The following GIT2 variants were observed in gnomAD, a reference collection of about 807,000 sequenced individuals.
GIT2 encodes ARF GTPase-activating protein GIT2.
A neutral mutation model predicts 100.3 loss-of-function variants in GIT2; 32 were observed. The ratio of observed to expected loss-of-function variants is 0.32; its 90% CI spans 0.24 to 0.43. The LOEUF is 0.43. Among genes scored for constraint, GIT2 ranks in the 20% least tolerant of loss-of-function variants. GIT2 has a pLI of 1.00. For missense variants in GIT2, 737 were observed against 975.1 expected (o/e 0.76, Z 3.25); for synonymous variants, 353 against 364.1 (o/e 0.97, Z 0.35).
At position 109,951,300 on chromosome 12, in the gene GIT2, A is replaced by G; in HGVS notation, c.1259T>C (p.Leu420Ser). 6.2e-7 allele frequency: 1 copy of G among 1,612,072 alleles called. No individual in the cohort carries two copies. The highest frequency in any genetic ancestry group is 8.5e-7 in the Non-Finnish European group (1 of 1,178,196). ...CTGTACAGTGACTGGTCCATCTGAT[A>G]AATCTGAATCTAGGCTCTAAAAATA... ...TNRQKSLDSD[L>S]SDGPVTVQEF... is the part of the protein sequence containing the mutation. Residue 420 changes from leucine (L) to serine (S), a missense_variant, in exon 14 of 20, where the codon TTA becomes TCA. Leu to Ser is a moderately radical substitution (Grantham distance 145). This residue lies in a region of GIT2 where 451 missense variants were observed against 543.7 expected (regional missense o/e 0.83). Coordinates refer to ENST00000355312, the MANE Select transcript of GIT2 (RefSeq NM_057169.5).
At position 109,983,697 on chromosome 12, in the gene GIT2, GA is replaced by G; in HGVS notation, c.406-4del. On this transcript the variant is annotated splice_polypyrimidine_tract_variant and splice_region_variant and intron_variant, in intron 4 of 19. Transcript: ENST00000355312. ...GTTCTCACGCTCGAATGGAGTTGCT[GA>G]AAAACGCAGAAACAAAAAAGGAATC... is the stretch of plus-strand genomic sequence containing the variant. The G allele has an allele frequency of 6.3e-7, 1 of 1,599,458 alleles. No individual in the cohort carries two copies. The highest frequency in any genetic ancestry group is 8.6e-7 in the Non-Finnish European group (1 of 1,167,650).
upstream of GIT2, chr12:109,997,614 G>A (rs1055325090): frequency 6.6e-6 from 1 of 152,302 alleles, no homozygotes; most frequent in Non-Finnish European, 1.5e-5. Flanking sequence ...AAGAATATGC[G>A]ACAAAACTTG....
At chr12:109,966,496 A>G (rs1287191235) in intron 8 of GIT2, among the ~76,000 whole-genome samples, 22 of 141,440 alleles carry the variant, frequency 1.6e-4, no homozygotes. Context: ...GCGACAGAGC[A>G]AGACTCTGTC....
chr12:109,988,294 T>G (rs1451520262), intron 4 of GIT2, among the ~76,000 whole-genome samples: 1 of 152,224 alleles, frequency 6.6e-6, no homozygotes, highest in Non-Finnish European at 1.5e-5. Flanking sequence ...AGCTATTAAT[T>G]AATGAATGTG....
intron 4 of GIT2, among the ~76,000 whole-genome samples, chr12:109,986,990 T>A (rs1308887316): frequency 1.3e-5 from 2 of 151,670 alleles, no homozygotes; most frequent in African/African-American, 2.4e-5. Context: ...AAAATAAAAA[T>A]AAAAAAATTA....
chr12:109,975,122 T>C (rs940319784), intron 7 of GIT2, among the ~76,000 whole-genome samples: 2 of 152,260 alleles, frequency 1.3e-5, no homozygotes, highest in Admixed American at 1.3e-4. Context: ...TATATCTTTT[T>C]ATACTTTTGG....
At chr12:109,999,498 T>C (rs1438378325), upstream of GIT2, 3 of 299,974 alleles carry the variant, frequency 1.0e-5, no homozygotes, top group Non-Finnish European at 1.8e-5. This position sits in a 1 kb window ranked among gnomAD's most constrained non-coding sequence, Gnocchi z 4.3. Context: ...GCGGCCGACC[T>C]GGTCCCTGAG....
At chr12:109,987,379 A>C (rs1247191202) in intron 4 of GIT2, among the ~76,000 whole-genome samples, 5 of 151,916 alleles carry the variant, frequency 3.3e-5, no homozygotes, top group African/African-American at 1.2e-4. Context: ...GCAAGACTCT[A>C]TCTCAAAAAT....
chr12:109,999,659 C>A, upstream of GIT2: 1 of 1,496,886 alleles, frequency 6.7e-7, no homozygotes. This position sits in a 1 kb window ranked among gnomAD's most constrained non-coding sequence, Gnocchi z 4.3. Context: ...TTGGGGCGGG[C>A]GACGAGGACC....
chr12:109,952,340 C>T (rs1381003957), intron 13 of GIT2, among the ~76,000 whole-genome samples: 2 of 152,086 alleles, frequency 1.3e-5, no homozygotes, highest in Non-Finnish European at 1.5e-5. Flanking sequence ...ACTCTGGTGC[C>T]GAGGTCTCTC....
chr12:109,975,245 C>A (rs1429042915), intron 7 of GIT2, among the ~76,000 whole-genome samples: 1 of 151,676 alleles, frequency 6.6e-6, no homozygotes, highest in Non-Finnish European at 1.5e-5. Context: ...GCTCTGTTGC[C>A]CAGGCTGGAG....
Position 109,938,394 on chromosome 12 carries a change from T to C in GIT2, c.1989A>G (p.Glu663=). 3 of 1,612,940 alleles carry C rather than the reference T, an allele frequency of 1.9e-6. No individual in the cohort carries two copies. Among genetic ancestry groups the C allele is most frequent in the Non-Finnish European group, 2.5e-6 (3 of 1,179,364 alleles). Residue 663 remains glutamate (E), a synonymous_variant, in exon 18 of 20, where the codon GAA becomes GAG. Transcript: ENST00000355312. ...ATCCTGCTTACCTGTCATGTTTATT[T>C]TCTTGGGCTGCTCTTAAGAGCTCCT... ...NIQELLRAAQ[E]NKHDSYIPCS...
chr12:109,981,255 T>C (rs1350990757), intron 6 of GIT2: 5 of 475,850 alleles, frequency 1.1e-5, no homozygotes, highest in African/African-American at 9.8e-5. Context: ...TCGCCTTTCC[T>C]TTATTAAGGC....
At chr12:109,990,376 C>A (rs556562842) in intron 2 of GIT2, among the ~76,000 whole-genome samples, 43 of 152,372 alleles carry the variant, frequency 2.8e-4, no homozygotes, top group African/African-American at 1.0e-3. Flanking sequence ...CTCTGTACTA[C>A]AATCTGGCTT....
chr12:109,993,207 C>G (rs1888741897), intron 1 of GIT2, among the ~76,000 whole-genome samples: 1 of 152,062 alleles, frequency 6.6e-6, no homozygotes. Flanking sequence ...GGTAAGTAAA[C>G]TGAATACCTA....
rs1436686739 is a variant in GIT2, at chr12:109,953,099, C to T, written c.1235G>A (p.Arg412Gln). 2.3e-5 allele frequency: 37 copies of T among 1,613,898 alleles called. No homozygotes were observed. Among genetic ancestry groups the T allele is most frequent in the South Asian group, 3.3e-5 (3 of 91,076 alleles). Residue 412 changes from arginine (R) to glutamine (Q), a missense_variant, in exon 13 of 20, where the codon CGG becomes CAG. Arg to Gln is a conservative substitution (Grantham distance 43). Coordinates refer to ENST00000355312, the MANE Select transcript of GIT2 (RefSeq NM_057169.5). ...GGACGCATGGCCTCTCACCTTCTGC[C>T]GGTTTGTTTTGCTTGCAGTGGTTTC... Reference protein sequence around the residue: ...DLETTASKTNRQKSLDSDLSD... With the variant: ...DLETTASKTNQQKSLDSDLSD...
At chr12:109,952,115 A>G (rs1490944928) in intron 13 of GIT2, among the ~76,000 whole-genome samples, 2 of 152,184 alleles carry the variant, frequency 1.3e-5, no homozygotes, top group African/African-American at 4.8e-5. Flanking sequence ...TAATGACGCC[A>G]TCTTTCTCAC....
intron 12 of GIT2, among the ~76,000 whole-genome samples, chr12:109,954,812 T>C (rs1878941176): frequency 6.6e-6 from 1 of 151,296 alleles, no homozygotes; most frequent in Non-Finnish European, 1.5e-5. Flanking sequence ...GGCAGGAGAA[T>C]CGCTTGAACC....
Position 109,955,090 on chromosome 12 carries a change from CA to C in GIT2, c.1100-1857del, listed in dbSNP as rs535443571. Among the ~76,000 whole-genome samples, 3 of 152,096 alleles carry C rather than the reference CA, an allele frequency of 2.0e-5. No homozygotes were observed. The South Asian group carries it at 6.2e-4, about 32-fold the overall frequency. ...AGGTTTTTCTCCGAGCACTTATAGC[CA>C]CACACAGTCAATTCTTGTTATGCTT... On this transcript the variant is annotated intron_variant, in intron 12 of 19. Transcript: ENST00000355312.
Sources: gnomAD v4.1 joint callset for allele counts (sites outside exome capture counted in the v4.1 genomes callset) on GRCh38, gnomAD v4.1.1 for gene constraint, gnomAD v4.1.1 regional missense constraint, Gnocchi (gnomAD v3.1) non-coding constraint, MANE v1.5 for transcripts, NCBI Gene and HGNC (gene_info 2026-07-23, HGNC 2026-07-21) for gene names.